Variants in TMEM17 observed in about 807,000 individuals in gnomAD.
TMEM17 encodes the protein transmembrane protein 17.
TMEM17 carries 15 observed loss-of-function variants against 19.1 expected under a neutral mutation model. That is an observed-to-expected ratio of 0.78 (90% confidence interval 0.52 to 1.21). TMEM17 has a LOEUF of 1.21. Among genes scored for constraint, TMEM17 ranks in the 50% most tolerant of loss-of-function variants. TMEM17 has a pLI of 0.00. For missense variants in TMEM17, 245 were observed against 242.3 expected (o/e 1.01, Z -0.07); for synonymous variants, 103 against 86.9 (o/e 1.19, Z -1.03).
chr2:62,489,661 G>T, the TMEM17 span, among the ~76,000 whole-genome samples: 5 of 152,138 alleles, frequency 3.3e-5, no homozygotes, highest in Non-Finnish European at 1.5e-5. Flanking sequence ...TTATAACATA[G>T]GGGGCTGTTT....
rs1345166376 is a variant in TMEM17, at chr2:62,506,110, A to C, written c.20T>G (p.Val7Gly). 6.2e-7 allele frequency: 1 copy of C among 1,611,000 alleles called. No homozygotes were observed. Among genetic ancestry groups the C allele is most frequent in the South Asian group, 1.1e-5 (1 of 90,534 alleles). The change falls in exon 1 of 4, where the codon GTG (valine) becomes GGG (glycine). Residue 7 changes from valine to glycine, a missense_variant. Val to Gly is a moderately radical substitution (Grantham distance 109, BLOSUM62 -3). Transcript: ENST00000335390. The part of the protein sequence containing the change: MELPDP[V>G]RQRLGNFSRA... ...GCTGAAGTTTCCCAGCCGCTGGCGC[A>C]CCGGATCCGGCAGCTCCATGCCTGG...
At chr2:62,488,516 G>C in the TMEM17 span, among the ~76,000 whole-genome samples, 1 of 146,160 alleles carries the variant, frequency 6.8e-6, no homozygotes, top group Non-Finnish European at 1.5e-5. Flanking sequence ...AAAACTTAGA[G>C]AACCTATGAT....
At chr2:62,458,268 A>G in the TMEM17 span, among the ~76,000 whole-genome samples, 1 of 152,236 alleles carries the variant, frequency 6.6e-6, no homozygotes, top group Non-Finnish European at 1.5e-5. Context: ...TCCGTGAGGC[A>G]AGCCTGCTCT....
At chr2:62,478,480 T>G in the TMEM17 span, among the ~76,000 whole-genome samples, 1 of 152,190 alleles carries the variant, frequency 6.6e-6, no homozygotes, top group Non-Finnish European at 1.5e-5. Context: ...GGCAAGAAAT[T>G]CCCATCCTGC....
chr2:62,454,761 T>C, the TMEM17 span, among the ~76,000 whole-genome samples: 1 of 152,322 alleles, frequency 6.6e-6, no homozygotes, highest in Middle Eastern at 3.4e-3. Context: ...TGGAGTGCAG[T>C]GGCACGATCT....
chr2:62,502,558 A>G lies in TMEM17; in HGVS notation c.205-8T>C, dbSNP rs756413182. The G allele has an allele frequency of 3.2e-6, 5 of 1,558,624 alleles. No homozygotes were observed. The highest frequency in any genetic ancestry group is 1.7e-4 in the Middle Eastern group (1 of 5,896). On this transcript the variant is annotated splice_polypyrimidine_tract_variant and splice_region_variant and intron_variant, in intron 2 of 3. Coordinates refer to ENST00000335390, the MANE Select transcript of TMEM17 (RefSeq NM_198276.3). ...GTCAGGTAAGATTGAATACTAAAAG[A>G]AAAGCCAAAACATGTTTGTAAAATC...
the TMEM17 span, among the ~76,000 whole-genome samples, chr2:62,455,181 A>G: frequency 6.6e-6 from 1 of 152,088 alleles, no homozygotes; most frequent in African/African-American, 2.4e-5. Flanking sequence ...TTCTGTCTCT[A>G]TGGATTTGCC....
chr2:62,468,120 C>T, the TMEM17 span, among the ~76,000 whole-genome samples: 1 of 152,010 alleles, frequency 6.6e-6, no homozygotes, highest in Admixed American at 6.5e-5. Flanking sequence ...ATTCCCTTTC[C>T]CTCCTCTAGG....
chr2:62,502,488 T>G lies in TMEM17; in HGVS notation c.267A>C (p.Leu89Phe). 1 of 1,613,328 alleles carries G rather than the reference T, an allele frequency of 6.2e-7. No homozygotes were observed. Residue 89 changes from leucine (L) to phenylalanine (F), a missense_variant, in exon 3 of 4, where the codon TTA becomes TTC. Coordinates refer to ENST00000335390, the MANE Select transcript of TMEM17 (RefSeq NM_198276.3). ...CCAGATACAACCGGATGGCTTCAATTAAGGTTATTAGGATGATAACAGTGA... is the reference window on the plus strand; with the variant it reads ...CCAGATACAACCGGATGGCTTCAATGAAGGTTATTAGGATGATAACAGTGA... The part of the protein sequence containing the change: ...IVITVIILIT[L>F]IEAIRLYLGY...
the TMEM17 span, among the ~76,000 whole-genome samples, chr2:62,454,034 T>C: frequency 0.3 from 45,741 of 152,212 alleles, 8,330 homozygotes; most frequent in Non-Finnish European, 0.42. Flanking sequence ...AAGGAACTCT[T>C]TTACTTAAAG....
the TMEM17 span, among the ~76,000 whole-genome samples, chr2:62,465,026 G>A: frequency 6.6e-6 from 1 of 152,316 alleles, no homozygotes; most frequent in South Asian, 2.1e-4. Flanking sequence ...TGACTCTTAA[G>A]CCATAATTTC....
intron 1 of TMEM17, among the ~76,000 whole-genome samples, chr2:62,504,200 T>A (rs1006836308): frequency 6.6e-6 from 1 of 152,246 alleles, no homozygotes; most frequent in African/African-American, 2.4e-5. Flanking sequence ...ATATGCCTGA[T>A]TATTATGATC....
chr2:62,455,787 AAACT>A, the TMEM17 span, among the ~76,000 whole-genome samples: 14 of 152,204 alleles, frequency 9.2e-5, no homozygotes, highest in Non-Finnish European at 1.8e-4. Context: ...ACAAACTACC[AAACT>A]ATTTTCCAAG....
the TMEM17 span, among the ~76,000 whole-genome samples, chr2:62,476,640 C>A: frequency 6.6e-6 from 1 of 152,124 alleles, no homozygotes; most frequent in Admixed American, 6.5e-5. Flanking sequence ...AAGTGAAATG[C>A]ATTCATATAT....
At chr2:62,458,853 C>T in the TMEM17 span, among the ~76,000 whole-genome samples, 9 of 152,172 alleles carry the variant, frequency 5.9e-5, no homozygotes, top group Non-Finnish European at 1.0e-4. Flanking sequence ...CCTCTCTAAT[C>T]AAAAGAGTCC....
chr2:62,466,624 C>T, the TMEM17 span, among the ~76,000 whole-genome samples: 2 of 152,206 alleles, frequency 1.3e-5, no homozygotes, highest in Non-Finnish European at 2.9e-5. Context: ...AGCTGGCACA[C>T]TTGGCCCTGG....
chr2:62,483,660 C>T, the TMEM17 span, among the ~76,000 whole-genome samples: 1 of 149,046 alleles, frequency 6.7e-6, no homozygotes, highest in Non-Finnish European at 1.5e-5. Context: ...AATGCAATGG[C>T]AGGATCTCAG....
chr2:62,483,070 C>T, the TMEM17 span, among the ~76,000 whole-genome samples: 8 of 152,122 alleles, frequency 5.3e-5, no homozygotes, highest in East Asian at 9.6e-4. Flanking sequence ...ATGTCTAATA[C>T]GAAGGTTAAG....
chr2:62,464,395 G>T, the TMEM17 span, among the ~76,000 whole-genome samples: 11 of 152,354 alleles, frequency 7.2e-5, no homozygotes, highest in African/African-American at 2.6e-4. Context: ...TCATTCACTT[G>T]TGTGCTACCT....
Sources: allele counts gnomAD v4.1 joint callset (sites outside exome capture counted in the v4.1 genomes callset), GRCh38; gene constraint gnomAD v4.1.1; transcripts MANE v1.5; gene names NCBI Gene and HGNC (gene_info 2026-07-23, HGNC 2026-07-21).